ALG11: variants seen among roughly 807,000 people sequenced by gnomAD.
ALG11 encodes the protein GDP-Man:Man(3)GlcNAc(2)-PP-Dol alpha-1,2-mannosyltransferase.
In ALG11, 26 loss-of-function variants were observed where a neutral mutation model predicts 38.8. The ratio of observed to expected loss-of-function variants is 0.67; its 90% CI spans 0.49 to 0.93. The LOEUF is 0.93. Among genes scored for constraint, ALG11 ranks in the 40% least tolerant of loss-of-function variants. The pLI is 0.00. For synonymous variants in ALG11, 199 were observed against 211.6 expected, an observed-to-expected ratio of 0.94 and a Z score of 0.52; for missense variants, 535 against 578.8, an observed-to-expected ratio of 0.92 and a Z score of 0.78.
intron 1 of ALG11, 121 bp downstream of exon 1, chr13:52,012,583 T>C (rs1259013326): frequency 2.2e-6 from 3 of 1,350,268 alleles, no homozygotes; most frequent in Non-Finnish European, 2.1e-6. Flanking sequence ...AGGTAATTTC[T>C]CAGGCCAATG....
At position 52,013,339 on chromosome 13, in the gene ALG11, C is replaced by G. The variant is rs544025492; in HGVS notation, c.44+877C>G. ...AATTCTTTCAAAAGTTCAGGCATTTCTTCTTCGTTTTTGTCCACTCTACTT... is the reference window on the plus strand; with the variant it reads ...AATTCTTTCAAAAGTTCAGGCATTTGTTCTTCGTTTTTGTCCACTCTACTT... On this transcript the variant is annotated intron_variant, in intron 1 of 3. Coordinates refer to ENST00000521508, the MANE Select transcript of ALG11 (RefSeq NM_001004127.3). Among the ~76,000 whole-genome samples, 3 of 152,304 alleles carry G rather than the reference C, an allele frequency of 2.0e-5. No individual in the cohort carries two copies. In the East Asian group the frequency reaches 5.8e-4, roughly 29 times the overall value.
intron 1 of ALG11, chr13:52,016,681 A>G (rs1954137296): frequency 6.6e-6 from 1 of 152,228 alleles, no homozygotes; most frequent in Admixed American, 6.5e-5. Context: ...CAAGAATGGA[A>G]ATTTGGGAAC....
Position 52,033,372 on chromosome 13 carries a change from A to G in ALG11, c.*4782A>G, listed in dbSNP as rs1007818619. 6.0e-6 allele frequency: 1 copy of G among 167,062 alleles called. No homozygotes were observed. The highest frequency in any genetic ancestry group is 2.4e-5 in the African/African-American group (1 of 41,446). The allele number at this position is 167,062 out of a possible 1,614,324, so 10.3% of individuals were successfully genotyped here. ...GGTTTTGTGTAATAATTATTTGTAA[A>G]TATTATTTAGATTTGTATTTAGACA... On this transcript the variant is annotated 3_prime_UTR_variant, in exon 4 of 4. Transcript: ENST00000521508.
At chr13:52,019,556 T>G (rs1372034330) in intron 2 of ALG11, among the ~76,000 whole-genome samples, 1 of 152,164 alleles carries the variant, frequency 6.6e-6, no homozygotes, top group African/African-American at 2.4e-5. Context: ...AAAAATGAAT[T>G]CCTTTTTAAA....
At position 52,028,422 on chromosome 13, in the gene ALG11, TCTGG is replaced by T; in HGVS notation, c.1315_1318del (p.Ala439ArgfsTer32). On this transcript the variant is annotated frameshift_variant, in exon 4 of 4. Coordinates refer to ENST00000521508, the MANE Select transcript of ALG11 (RefSeq NM_001004127.3). LOFTEE classifies it high-confidence loss of function. ...CTCACGAAGGAGATATAACTGGCTT[TCTGG>T]CTGAGAGTGAAGAAGACTATGCTGA... 1.2e-6 allele frequency: 2 copies of T among 1,614,196 alleles called. No individual in the cohort carries two copies.
Position 52,029,315 on chromosome 13 carries a change from G to C in ALG11, c.*725G>C. On this transcript the variant is annotated 3_prime_UTR_variant, in exon 4 of 4. Transcript: ENST00000521508. ...GGAGCAGCCAGCCATTGCTCCCATT[G>C]AACATGCGCTCAGTGGCTGGAAGGC... 6.2e-7 allele frequency: 1 copy of C among 1,614,154 alleles called. No individual in the cohort carries two copies. The highest frequency in any genetic ancestry group is 8.5e-7 in the Non-Finnish European group (1 of 1,180,028).
intron 1 of ALG11, chr13:52,016,838 G>A (rs1397719655): frequency 1.3e-5 from 2 of 152,248 alleles, no homozygotes; most frequent in Non-Finnish European, 2.9e-5. Context: ...AGTCCCTACT[G>A]GGGCACTGCC....
rs780511467 is a variant in ALG11, at chr13:52,028,326, G to A, written c.1215G>A (p.Val405=). The A allele has an allele frequency of 6.2e-7, 1 of 1,614,102 alleles. No individual in the cohort carries two copies. Among genetic ancestry groups the A allele is most frequent in the South Asian group, 1.1e-5 (1 of 91,084 alleles). Residue 405 remains valine (V), a synonymous_variant, in exon 4 of 4, where the codon GTG becomes GTA. Coordinates refer to ENST00000521508, the MANE Select transcript of ALG11 (RefSeq NM_001004127.3). ...MWNEHFGIGV[V]ECMAAGTIIL... ...TTGTGTTTTTTTTCTCAGGAGTTGTGGAGTGTATGGCAGCTGGCACAATTA... is the reference window on the plus strand; with the variant it reads ...TTGTGTTTTTTTTCTCAGGAGTTGTAGAGTGTATGGCAGCTGGCACAATTA...
chr13:52,030,064 A>G lies in ALG11; in HGVS notation c.*1474A>G. 3.1e-6 allele frequency: 5 copies of G among 1,614,228 alleles called. 1 individual carries two copies. The African/African-American group carries it at 4.0e-5, about 13-fold the overall frequency. On this transcript the variant is annotated 3_prime_UTR_variant, in exon 4 of 4. Transcript: ENST00000521508. ...TGGCAGAGGAAGAAATTTTGTTGAG[A>G]GAATTTGAGGAAAGGCAATCCCTTA...
Position 52,024,142 on chromosome 13 carries a change from CTT to C in ALG11, c.413_414del (p.Leu138ArgfsTer32). On this transcript the variant is annotated frameshift_variant, in exon 3 of 4. Coordinates refer to ENST00000521508, the MANE Select transcript of ALG11 (RefSeq NM_001004127.3). LOFTEE classifies it high-confidence loss of function. ...VQFVFLRKRY[L>X]VEDSLYPHFT... ...GTTTGTTTTTTTAAGGAAACGCTAT[CTT>C]GTGGAAGATTCACTGTATCCTCACT... The C allele has an allele frequency of 6.2e-7, 1 of 1,614,076 alleles. No homozygotes were observed. Among genetic ancestry groups the C allele is most frequent in the Admixed American group, 1.7e-5 (1 of 60,014 alleles).
At chr13:52,013,284 C>T (rs763715162) in intron 1 of ALG11, among the ~76,000 whole-genome samples, 22 of 152,190 alleles carry the variant, frequency 1.4e-4, no homozygotes, top group Non-Finnish European at 2.2e-4. Flanking sequence ...ATAATTAACA[C>T]CATAGCTTCC....
chr13:52,024,942 G>A lies in ALG11; in HGVS notation c.1207+5G>A. 4 of 1,606,606 alleles carry A rather than the reference G, an allele frequency of 2.5e-6. No individual in the cohort carries two copies. Among genetic ancestry groups the A allele is most frequent in the African/African-American group, 1.3e-5 (1 of 75,050 alleles). On this transcript the variant is annotated splice_donor_5th_base_variant and intron_variant, in intron 3 of 3. Coordinates refer to ENST00000521508, the MANE Select transcript of ALG11 (RefSeq NM_001004127.3). ...GGAACGAGCATTTTGGGATTGGTGA[G>A]TTTGGCCTTTAAACAACTTGTTTGG... is the stretch of plus-strand genomic sequence containing the variant.
At position 52,024,039 on chromosome 13, in the gene ALG11, C is replaced by T. The variant is rs1364583315; in HGVS notation, c.309C>T (p.Gly103=). The change falls in exon 3 of 4, where the codon GGC becomes GGT. Residue 103 remains glycine (G), a synonymous_variant. Coordinates refer to ENST00000521508, the MANE Select transcript of ALG11 (RefSeq NM_001004127.3). ...AAGCAGTTTATGTTGTTTATACCGG[C>T]GATGTTAATGTCAACGGTCAACAGA... ...YPEAVYVVYT[G]DVNVNGQQIL... is the part of the protein sequence containing the mutation. 9 of 1,613,868 alleles carry T rather than the reference C, an allele frequency of 5.6e-6. No homozygotes were observed. The highest frequency in any genetic ancestry group is 2.7e-5 in the African/African-American group (2 of 74,870).
intron 2 of ALG11, chr13:52,021,262 T>C (rs1256351107): frequency 2.0e-5 from 3 of 152,254 alleles, no homozygotes; most frequent in Non-Finnish European, 4.4e-5. Context: ...GTGCTTTACA[T>C]GTGTTAGCTC....
intron 1 of ALG11, 55 bp downstream of exon 1, chr13:52,012,517 GC>G: frequency 6.2e-7 from 1 of 1,612,538 alleles, no homozygotes; most frequent in Non-Finnish European, 8.5e-7. Context: ...AGGGGTACTT[GC>G]CCGTCCAGTG....
intron 1 of ALG11, chr13:52,017,047 T>A (rs1386374857): frequency 1.3e-5 from 2 of 152,212 alleles, no homozygotes; most frequent in African/African-American, 4.8e-5. Flanking sequence ...TGCTTAAGCA[T>A]GACCTGGATG....
chr13:52,015,927 G>A (rs1954130657), intron 1 of ALG11: 1 of 152,768 alleles, frequency 6.5e-6, no homozygotes, highest in African/African-American at 2.4e-5. Flanking sequence ...GAACAGTTTG[G>A]AGGGCTCAGA....
At chr13:52,018,714 A>AG (rs1954156309) in intron 1 of ALG11, among the ~76,000 whole-genome samples, 199 bp from the exon 2 acceptor site, 1 of 152,236 alleles carries the variant, frequency 6.6e-6, no homozygotes, top group Non-Finnish European at 1.5e-5. Flanking sequence ...AATTGGAACT[A>AG]AAGGGGACTT....
chr13:52,024,776 A>G lies in ALG11; in HGVS notation c.1046A>G (p.Asp349Gly), dbSNP rs561264790. The G allele has an allele frequency of 2.5e-6, 4 of 1,614,116 alleles. No homozygotes were observed. Among genetic ancestry groups the G allele is most frequent in the East Asian group, 2.2e-5 (1 of 44,902 alleles). The change falls in exon 3 of 4, where the codon GAT (aspartate) becomes GGT (glycine). Residue 349 changes from aspartate to glycine, a missense_variant. Physicochemically the swap from Asp to Gly is moderately conservative, Grantham distance 94 (BLOSUM62 -1). Transcript: ENST00000521508. ...LVLIGGCRNK[D>G]DELRVNQLRR... ...CTCATTGGAGGTTGTCGTAACAAAG[A>G]TGATGAACTTAGGGTAAACCAACTG...
Sources: gnomAD v4.1 joint callset for allele counts (sites outside exome capture counted in the v4.1 genomes callset) on GRCh38, gnomAD v4.1.1 for gene constraint, MANE v1.5 for transcripts, NCBI Gene and HGNC (gene_info 2026-07-23, HGNC 2026-07-21) for gene names.